PPME1: variants seen among roughly 807,000 people sequenced by gnomAD.
PPME1 encodes the protein protein phosphatase methylesterase 1, also known as testicular secretory protein Li 39.
A neutral mutation model predicts 56.9 loss-of-function variants in PPME1; 17 were observed. That is an observed-to-expected ratio of 0.30 (90% confidence interval 0.20 to 0.45). PPME1 has a LOEUF of 0.45. Ranked by LOEUF, PPME1 falls within the 20% of genes least tolerant of loss-of-function variation. The pLI, the probability that PPME1 is intolerant of heterozygous loss-of-function variation, is 1.00. For synonymous variants in PPME1, 122 were observed against 156.2 expected (o/e 0.78, Z 1.63); for missense variants, 357 against 483.2 (o/e 0.74, Z 2.45).
At position 74,250,978 on chromosome 11, in the gene PPME1, C is replaced by A. The variant is rs1191482186; in HGVS notation, c.1034C>A (p.Pro345His). The A allele has an allele frequency of 3.1e-6, 5 of 1,602,056 alleles. No individual in the cohort carries two copies. Among genetic ancestry groups the A allele is most frequent in the Non-Finnish European group, 4.3e-6 (5 of 1,174,300 alleles). The change falls in exon 12 of 14, where the codon CCC (proline) becomes CAC (histidine). Residue 345 changes from proline to histidine, a missense_variant. Coordinates refer to ENST00000328257, the MANE Select transcript of PPME1 (RefSeq NM_016147.3). Reference protein sequence around the residue: ...MQGKFQMQVLPQCGHAVHEDA... With the variant: ...MQGKFQMQVLHQCGHAVHEDA... ...GGGAAGTTCCAGATGCAGGTCCTAC[C>A]CCAGTGTGGCCATGCAGTCCATGAG...
chr11:74,230,462 A>G lies in PPME1; in HGVS notation c.553+63A>G, dbSNP rs986942405. 2.6e-6 allele frequency: 4 copies of G among 1,537,746 alleles called. No individual in the cohort carries two copies. The Admixed American group carries it at 7.1e-5, about 27-fold the overall frequency. ...TTATAAGAGACATCCTTGGTAGATT[A>G]TTACCTTGTCTTAGTTTATTGTTGA... On this transcript the variant is annotated intron_variant, in intron 6 of 13. Coordinates refer to ENST00000328257, the MANE Select transcript of PPME1 (RefSeq NM_016147.3). The surrounding 1 kb of genome is among the most constrained non-coding windows in gnomAD (Gnocchi z 4.9).
chr11:74,203,464 GAAAAATCCT>G (rs1858228540), intron 1 of PPME1, among the ~76,000 whole-genome samples: 1 of 151,960 alleles, frequency 6.6e-6, no homozygotes, highest in African/African-American at 2.4e-5. Context: ...AATGAATTTT[GAAAAATCCT>G]AAAATTTTTA....
chr11:74,202,339 G>GAACTTTATTCA, intron 1 of PPME1, among the ~76,000 whole-genome samples: 1 of 152,184 alleles, frequency 6.6e-6, no homozygotes, highest in East Asian at 1.9e-4. Context: ...AAGTTCTCCA[G>GAACTTTATTCA]GTGATTTCAT....
chr11:74,189,394 G>C (rs1486325000), intron 1 of PPME1, among the ~76,000 whole-genome samples: 1 of 152,150 alleles, frequency 6.6e-6, no homozygotes, highest in African/African-American at 2.4e-5. Flanking sequence ...GGCTCAAGCT[G>C]TTCTTCCACC....
At chr11:74,252,367 G>A (rs569444392) in intron 13 of PPME1, 304 of 451,080 alleles carry the variant, frequency 6.7e-4, no homozygotes, top group Non-Finnish European at 9.8e-4. Flanking sequence ...GGATTATAGG[G>A]ATTATAGGCA....
At chr11:74,175,746 A>G (rs1355342398) in intron 1 of PPME1, among the ~76,000 whole-genome samples, 1 of 152,212 alleles carries the variant, frequency 6.6e-6, no homozygotes, top group African/African-American at 2.4e-5. Context: ...ACTGACATGT[A>G]TATAGTAGTC....
chr11:74,217,339 CA>C (rs1198374698), intron 3 of PPME1, among the ~76,000 whole-genome samples: 1 of 151,826 alleles, frequency 6.6e-6, no homozygotes, highest in Non-Finnish European at 1.5e-5. Flanking sequence ...ATCAGGAGTT[CA>C]AGATCAGCCT....
intron 3 of PPME1, among the ~76,000 whole-genome samples, chr11:74,219,657 A>G (rs1474896443): frequency 6.6e-6 from 1 of 152,148 alleles, no homozygotes; most frequent in African/African-American, 2.4e-5. Flanking sequence ...AAAAATTCAC[A>G]TGTTCTCACT....
At chr11:74,174,462 CT>C (rs1857360416) in intron 1 of PPME1, among the ~76,000 whole-genome samples, 1 of 152,188 alleles carries the variant, frequency 6.6e-6, no homozygotes, top group African/African-American at 2.4e-5. Flanking sequence ...TGCTTACTTG[CT>C]TTTTTCTTAA....
intron 8 of PPME1, 198 bp from the exon 9 acceptor site, chr11:74,238,935 A>C (rs780802367): frequency 7.0e-5 from 37 of 528,580 alleles, no homozygotes; most frequent in Non-Finnish European, 1.2e-4. Context: ...CAAGAACTGG[A>C]AACCAGCCCT....
intron 1 of PPME1, among the ~76,000 whole-genome samples, chr11:74,202,692 C>T (rs562592003): frequency 1.4e-4 from 21 of 152,016 alleles, no homozygotes; most frequent in African/African-American, 4.3e-4. Context: ...AGGTTGAAGA[C>T]GTAAATTGTG....
intron 3 of PPME1, among the ~76,000 whole-genome samples, chr11:74,204,667 A>C (rs1273971781): frequency 6.6e-6 from 1 of 152,182 alleles, no homozygotes; most frequent in Non-Finnish European, 1.5e-5. Context: ...TCTTTGAGAA[A>C]GTTAATTGGC....
chr11:74,201,972 C>T (rs73565840), intron 1 of PPME1, among the ~76,000 whole-genome samples: 15,820 of 152,136 alleles, frequency 0.1, 2,155 homozygotes, highest in African/African-American at 0.32. Flanking sequence ...AAAAGCAGGT[C>T]GAGGCTGAAG....
intron 3 of PPME1, among the ~76,000 whole-genome samples, chr11:74,220,653 T>C (rs763537332): frequency 1.4e-4 from 21 of 152,226 alleles, no homozygotes; most frequent in Non-Finnish European, 2.8e-4. Flanking sequence ...GAAAGTTAGG[T>C]AATTCATCTG....
At chr11:74,200,818 A>T (rs144373695) in intron 1 of PPME1, among the ~76,000 whole-genome samples, 1 of 152,160 alleles carries the variant, frequency 6.6e-6, no homozygotes, top group African/African-American at 2.4e-5. Flanking sequence ...TAAGTTGGGT[A>T]GTCCCTGGAA....
rs12270059 is a variant in PPME1 at position 74,194,348 on chromosome 11, T to C, written c.102-9380T>C. Among the ~76,000 whole-genome samples the C allele has an allele frequency of 6.0e-3, 896 of 150,012 alleles. 5 individuals are homozygous for C. Among genetic ancestry groups the C allele is most frequent in the African/African-American group, 0.022 (848 of 39,426 alleles). The stretch of plus-strand genomic sequence containing the variant: ...GCAGCAAGACTTCCCACCTCGGGCT[T>C]TGTGTCCTGTTCTGTGTGCATCGCA... On this transcript the variant is annotated intron_variant, in intron 1 of 13. Coordinates refer to ENST00000328257, the MANE Select transcript of PPME1 (RefSeq NM_016147.3).
chr11:74,204,278 C>G, intron 2 of PPME1, 75 bp from the exon 3 acceptor site: 1 of 1,138,562 alleles, frequency 8.8e-7, no homozygotes, highest in South Asian at 1.4e-5. Context: ...AAGTTTCTAG[C>G]GGTATTACTA....
chr11:74,174,298 A>G (rs1382693861), intron 1 of PPME1, among the ~76,000 whole-genome samples: 1 of 152,196 alleles, frequency 6.6e-6, no homozygotes, highest in Admixed American at 6.5e-5. Context: ...TGTGAGACCC[A>G]TTGTGTATTT....
At chr11:74,251,501 G>A in intron 12 of PPME1, 147 bp from the exon 13 acceptor site, 1 of 1,456,360 alleles carries the variant, frequency 6.9e-7, no homozygotes, top group South Asian at 1.5e-5. Context: ...GCTAGGGAGG[G>A]CCTAGGTCCT....
Sources: allele counts gnomAD v4.1 joint callset (sites outside exome capture counted in the v4.1 genomes callset), GRCh38; gene constraint gnomAD v4.1.1; non-coding constraint Gnocchi (gnomAD v3.1); transcripts MANE v1.5; gene names NCBI Gene and HGNC (gene_info 2026-07-23, HGNC 2026-07-21).